COPE: variants seen among roughly 807,000 people sequenced by gnomAD.
COPE encodes coatomer subunit epsilon.
COPE carries 19 observed loss-of-function variants against 42.1 expected under a neutral mutation model. The observed-to-expected ratio is 0.45, with a 90% CI of 0.31 to 0.66. The LOEUF is 0.66. COPE is among the 30% of genes least tolerant of loss of function. The pLI is 0.05. For missense variants in COPE, 402 were observed against 416.1 expected (o/e 0.97, Z 0.30); for synonymous variants, 195 against 181.3 (o/e 1.08, Z -0.60).
intron 1 of COPE, among the ~76,000 whole-genome samples, 154 bp from the exon 2 acceptor site, chr19:18,913,200 G>C (rs570402987): frequency 6.6e-6 from 1 of 152,100 alleles, no homozygotes; most frequent in Admixed American, 6.6e-5. Flanking sequence ...TCCGTAGCCC[G>C]AGTGGCCTCT....
At chr19:18,917,238 TTTC>T (rs1390207535) in intron 1 of COPE, among the ~76,000 whole-genome samples, 6 of 123,374 alleles carry the variant, frequency 4.9e-5, no homozygotes, top group Non-Finnish European at 9.2e-5. Context: ...ACATTCTTTT[TTTC>T]TTTTTTTTTT....
intron 1 of COPE, among the ~76,000 whole-genome samples, chr19:18,915,177 C>T (rs981698582): frequency 6.6e-6 from 1 of 152,136 alleles, no homozygotes; most frequent in Non-Finnish European, 1.5e-5. Flanking sequence ...CACTGCACTG[C>T]ACTCTGGCCT....
chr19:18,910,087 A>AG (rs1221305436), intron 3 of COPE, among the ~76,000 whole-genome samples: 1 of 152,174 alleles, frequency 6.6e-6, no homozygotes, highest in African/African-American at 2.4e-5. Context: ...CCGTGGGCCA[A>AG]GGAAGAGCAG....
chr19:18,918,185 C>T (rs550229881), intron 1 of COPE, among the ~76,000 whole-genome samples: 1 of 34,626 alleles, frequency 2.9e-5, no homozygotes, highest in Non-Finnish European at 5.7e-5. Context: ...GAGTCTCCAT[C>T]TCAAAAAAAA....
chr19:18,902,361 ACT>A (rs951932051), intron 7 of COPE, among the ~76,000 whole-genome samples: 1 of 148,902 alleles, frequency 6.7e-6, no homozygotes, highest in Non-Finnish European at 1.5e-5. Context: ...CATAACATAA[ACT>A]CTTCATAAAG....
intron 1 of COPE, among the ~76,000 whole-genome samples, chr19:18,916,424 C>T (rs1003336719): frequency 3.9e-5 from 6 of 151,976 alleles, no homozygotes; most frequent in African/African-American, 7.2e-5. Flanking sequence ...GAGGCTGAGG[C>T]GGGCAGATCA....
chr19:18,910,681 T>C (rs763393124), intron 3 of COPE: 23 of 450,784 alleles, frequency 5.1e-5, no homozygotes, highest in Non-Finnish European at 7.8e-5. Context: ...TGCTCGGTAA[T>C]TGATATTTTC....
intron 2 of COPE, 56 bp from the exon 3 acceptor site, chr19:18,911,127 C>G (rs1448303244): frequency 2.0e-6 from 3 of 1,521,142 alleles, no homozygotes; most frequent in Non-Finnish European, 2.7e-6. Context: ...ATTTCCATGT[C>G]TTCAGCTTGG....
chr19:18,915,205 CCTGT>C (rs919677542), intron 1 of COPE, among the ~76,000 whole-genome samples: 10 of 152,094 alleles, frequency 6.6e-5, no homozygotes, highest in African/African-American at 2.4e-4. Flanking sequence ...AGAGTGAGAC[CCTGT>C]CTATCTTTAG....
intron 5 of COPE, 34 bp from the exon 6 acceptor site, chr19:18,904,886 G>A (rs2056744034): frequency 1.9e-6 from 3 of 1,545,024 alleles, no homozygotes; most frequent in East Asian, 2.4e-5. Context: ...GGGGCTGAGT[G>A]GCCGAGGGCC....
chr19:18,899,827 C>A (rs763379952), intron 9 of COPE, 46 bp downstream of exon 9: 9 of 1,610,124 alleles, frequency 5.6e-6, no homozygotes, highest in Non-Finnish European at 7.6e-6. Context: ...GAGCTCCAGG[C>A]GCCCCCTGGC....
rs752232289 is a variant in COPE at position 18,903,260 on chromosome 19, G to A, written c.735+8C>T. The A allele has an allele frequency of 2.0e-5, 31 of 1,572,540 alleles. No homozygotes were observed. The highest frequency in any genetic ancestry group is 2.4e-5 in the Non-Finnish European group (28 of 1,160,942). ...TCCGTCCCCACTCTGGGACAGGCTT[G>A]TGCCTACCTTGTCTAGCGCCTCCTG... is the stretch of plus-strand genomic sequence containing the variant. On this transcript the variant is annotated splice_region_variant and intron_variant, in intron 7 of 9. Coordinates refer to ENST00000262812, the MANE Select transcript of COPE (RefSeq NM_007263.4).
At chr19:18,902,825 G>GAAAGAAAAGAAAAGAAAAGAA (rs373721731) in intron 7 of COPE, among the ~76,000 whole-genome samples, 2 of 28,604 alleles carry the variant, frequency 7.0e-5, no homozygotes, top group African/African-American at 6.0e-4. Context: ...AGGAAGGAAG[G>GAAAGAAAAGAAAAGAAAAGAA]AAGAAAAGAC....
intron 1 of COPE, among the ~76,000 whole-genome samples, chr19:18,918,594 G>A (rs991212043): frequency 6.6e-6 from 1 of 152,022 alleles, no homozygotes; most frequent in African/African-American, 2.4e-5. Flanking sequence ...CCGCCACCAC[G>A]CCCGGCTAAT....
chr19:18,902,081 G>A (rs1413239847), intron 7 of COPE, among the ~76,000 whole-genome samples: 1 of 151,318 alleles, frequency 6.6e-6, no homozygotes, highest in Non-Finnish European at 1.5e-5. Flanking sequence ...TCGGGAGGCT[G>A]AGGCAGGAGA....
chr19:18,911,147 C>A (rs1175198305), intron 2 of COPE, 76 bp from the exon 3 acceptor site: 12 of 1,368,716 alleles, frequency 8.8e-6, no homozygotes, highest in South Asian at 1.2e-5. Context: ...GCAGGGAGAG[C>A]CCCAGACAGG....
At chr19:18,912,913 T>C in intron 2 of COPE, 71 bp downstream of exon 2, 1 of 1,490,756 alleles carries the variant, frequency 6.7e-7, no homozygotes, top group Non-Finnish European at 9.3e-7. Context: ...CACTCTGTGG[T>C]GCCTTCCTGT....
chr19:18,899,808 G>A (rs1380511054), intron 9 of COPE, 65 bp downstream of exon 9: 12 of 1,610,020 alleles, frequency 7.5e-6, no homozygotes, highest in Admixed American at 5.0e-5. Flanking sequence ...GCGCATGTGA[G>A]CCCAGGCTGA....
At chr19:18,913,921 G>A (rs949669460) in intron 1 of COPE, among the ~76,000 whole-genome samples, 3 of 152,290 alleles carry the variant, frequency 2.0e-5, no homozygotes, top group South Asian at 2.1e-4. Context: ...CTCTGAAGCC[G>A]AGAACCACAG....
Sources: allele counts gnomAD v4.1 joint callset (sites outside exome capture counted in the v4.1 genomes callset), GRCh38; gene constraint gnomAD v4.1.1; transcripts MANE v1.5; gene names NCBI Gene and HGNC (gene_info 2026-07-23, HGNC 2026-07-21).